SKAP2: variants seen among roughly 807,000 people sequenced by gnomAD.
SKAP2 encodes src kinase-associated phosphoprotein 2.
A neutral mutation model predicts 54.9 loss-of-function variants in SKAP2; 28 were observed. That is an observed-to-expected ratio of 0.51 (90% confidence interval 0.38 to 0.70). The LOEUF is 0.70. Ranked by LOEUF, SKAP2 falls within the 30% of genes least tolerant of loss-of-function variation. SKAP2 has a pLI of 0.00. For missense variants in SKAP2, 356 were observed against 424.1 expected, an observed-to-expected ratio of 0.84 and a Z score of 1.41; for synonymous variants, 137 against 134.3, an observed-to-expected ratio of 1.02 and a Z score of -0.14.
intron 4 of SKAP2, among the ~76,000 whole-genome samples, chr7:26,805,180 C>A (rs949872275): frequency 2.6e-5 from 4 of 152,086 alleles, no homozygotes; most frequent in African/African-American, 9.7e-5. Context: ...CATAGTGACA[C>A]CCTGTCTCTT....
chr7:26,690,457 T>C, intron 9 of SKAP2, 95 bp from the exon 10 acceptor site: 1 of 752,822 alleles, frequency 1.3e-6, no homozygotes, highest in Non-Finnish European at 2.3e-6. Flanking sequence ...TAAAAGTTTA[T>C]AACACATAAA....
Position 26,833,608 on chromosome 7 carries a change from A to G in SKAP2, c.307+10422T>C, listed in dbSNP as rs536197417. Among the ~76,000 whole-genome samples, 3 of 152,260 alleles carry G rather than the reference A, an allele frequency of 2.0e-5. No homozygotes were observed. In the East Asian group the frequency reaches 5.8e-4, roughly 29 times the overall value. On this transcript the variant is annotated intron_variant, in intron 4 of 12. Transcript: ENST00000345317. ...TAAAACAGACATTAAAACAACAAAGATCAAAAGAGACAAAGAAGGGCATTA... is the reference window on the plus strand; with the variant it reads ...TAAAACAGACATTAAAACAACAAAGGTCAAAAGAGACAAAGAAGGGCATTA...
At chr7:26,712,880 G>A (rs1260577576) in intron 9 of SKAP2, among the ~76,000 whole-genome samples, 2 of 152,188 alleles carry the variant, frequency 1.3e-5, no homozygotes, top group African/African-American at 4.8e-5. Flanking sequence ...GGAGTAAAGA[G>A]AAAAAGGTCT....
At chr7:26,673,418 CAT>C (rs1036813016) in intron 11 of SKAP2, among the ~76,000 whole-genome samples, 1 of 152,032 alleles carries the variant, frequency 6.6e-6, no homozygotes, top group African/African-American at 2.4e-5. Context: ...TTCTATTAAT[CAT>C]GTGCTATAAA....
At chr7:26,800,230 C>A (rs1013738888) in intron 4 of SKAP2, among the ~76,000 whole-genome samples, 3 of 152,108 alleles carry the variant, frequency 2.0e-5, no homozygotes, top group Non-Finnish European at 4.4e-5. Context: ...TTGGAAACTA[C>A]ACAAATGCAT....
In SKAP2 at chr7:26,668,439, T is replaced by G. The variant is rs1034906557; in HGVS notation, c.*1227A>C. The G allele has an allele frequency of 2.0e-5, 3 of 152,138 alleles. No homozygotes were observed. Among genetic ancestry groups the G allele is most frequent in the Non-Finnish European group, 1.5e-5 (1 of 68,018 alleles). The allele number at this position is 152,138 out of a possible 1,614,324, so 9.4% of individuals were successfully genotyped here. ...CAGGCAGCACAGAGTATAACTCAAA[T>G]GTCAGGCTAACACTACCTTTCTACT... is the stretch of plus-strand genomic sequence containing the variant. On this transcript the variant is annotated 3_prime_UTR_variant, in exon 13 of 13. Coordinates refer to ENST00000345317, the MANE Select transcript of SKAP2 (RefSeq NM_003930.5).
intron 9 of SKAP2, among the ~76,000 whole-genome samples, chr7:26,705,804 T>C (rs938214461): frequency 9.2e-5 from 14 of 152,308 alleles, no homozygotes; most frequent in African/African-American, 3.4e-4. Flanking sequence ...CGTACACTCA[T>C]AGCTCTGATG....
chr7:26,687,227 A>AC (rs1344313182), intron 10 of SKAP2, among the ~76,000 whole-genome samples: 1 of 142,904 alleles, frequency 7.0e-6, no homozygotes, highest in Admixed American at 6.9e-5. Flanking sequence ...GGGAAGAGAG[A>AC]CCCCCACCGT....
intron 4 of SKAP2, among the ~76,000 whole-genome samples, chr7:26,809,550 G>A (rs956401649): frequency 6.6e-6 from 1 of 152,136 alleles, no homozygotes; most frequent in Non-Finnish European, 1.5e-5. Context: ...AAACCACAAT[G>A]AGATAACACC....
In SKAP2 at chr7:26,669,199, T is replaced by A. The variant is rs1484919712; in HGVS notation, c.*467A>T. 1 of 152,180 alleles carries A rather than the reference T, an allele frequency of 6.6e-6. No homozygotes were observed. Among genetic ancestry groups the A allele is most frequent in the Non-Finnish European group, 1.5e-5 (1 of 68,032 alleles). The allele number at this position is 152,180 out of a possible 1,614,324, so 9.4% of individuals were successfully genotyped here. ...TAGCATTCTTTGTTTAGCAACCACA[T>A]TCTTCAGCATCTACCAAAAAAAACT... On this transcript the variant is annotated 3_prime_UTR_variant, in exon 13 of 13. Transcript: ENST00000345317.
intron 9 of SKAP2, among the ~76,000 whole-genome samples, chr7:26,697,948 T>C (rs192068349): frequency 1.3e-5 from 2 of 152,342 alleles, no homozygotes; most frequent in Admixed American, 6.5e-5. Context: ...TTTTAGAAAG[T>C]AAAATACATC....
intron 4 of SKAP2, among the ~76,000 whole-genome samples, chr7:26,807,287 C>T (rs1784048966): frequency 1.3e-5 from 2 of 152,124 alleles, no homozygotes; most frequent in African/African-American, 2.4e-5. Context: ...AATCTCATCT[C>T]GAATTATAAT....
chr7:26,812,854 G>T (rs1359580640), intron 4 of SKAP2, among the ~76,000 whole-genome samples: 1 of 150,408 alleles, frequency 6.6e-6, no homozygotes, highest in East Asian at 2.0e-4. Context: ...AAAAAAAAAA[G>T]CCTGTTTTTT....
intron 4 of SKAP2, among the ~76,000 whole-genome samples, chr7:26,755,885 T>C (rs1337071417): frequency 2.0e-5 from 3 of 152,202 alleles, no homozygotes; most frequent in Non-Finnish European, 4.4e-5. Context: ...GCTTTGTGGA[T>C]GAAAATTTGA....
At chr7:26,730,174 A>T (rs1389385678) in intron 6 of SKAP2, among the ~76,000 whole-genome samples, 1 of 152,192 alleles carries the variant, frequency 6.6e-6, no homozygotes, top group African/African-American at 2.4e-5. Context: ...CTTTCACATT[A>T]GTTTCTCTTC....
chr7:26,762,803 T>C (rs1408313021), intron 4 of SKAP2, among the ~76,000 whole-genome samples: 1 of 152,152 alleles, frequency 6.6e-6, no homozygotes, highest in East Asian at 1.9e-4. Flanking sequence ...GGAAAGAAAT[T>C]TATAACCTCT....
intron 4 of SKAP2, among the ~76,000 whole-genome samples, chr7:26,820,751 A>G (rs995625867): frequency 1.3e-5 from 2 of 151,622 alleles, no homozygotes; most frequent in Non-Finnish European, 2.9e-5. Flanking sequence ...TCACAATATG[A>G]TATGATTAAA....
chr7:26,788,725 T>G (rs1411910377), intron 4 of SKAP2, among the ~76,000 whole-genome samples: 1 of 152,154 alleles, frequency 6.6e-6, no homozygotes, highest in Non-Finnish European at 1.5e-5. Context: ...GAAATTCTAT[T>G]CATGTAAATT....
rs543353846 is a variant in SKAP2, at chr7:26,687,902, C to T, written c.874+2383G>A. On this transcript the variant is annotated intron_variant, in intron 10 of 12. Transcript: ENST00000345317. Reference sequence around the variant, plus strand: ...TACTACATGGATTAATTTTCCTATTCTATCCACATCATGATCTATATTTTA... The same window carrying T: ...TACTACATGGATTAATTTTCCTATTTTATCCACATCATGATCTATATTTTA... Among the ~76,000 whole-genome samples, 434 of 152,076 alleles carry T rather than the reference C, an allele frequency of 2.9e-3. 4 individuals are homozygous for T. The highest frequency in any genetic ancestry group is 0.01 in the African/African-American group (416 of 41,480).
Sources: gnomAD v4.1 joint callset for allele counts (sites outside exome capture counted in the v4.1 genomes callset) on GRCh38, gnomAD v4.1.1 for gene constraint, MANE v1.5 for transcripts, NCBI Gene and HGNC (gene_info 2026-07-23, HGNC 2026-07-21) for gene names.